The following ITCH variants were observed in gnomAD, a reference collection of about 807,000 sequenced individuals.
ITCH encodes E3 ubiquitin-protein ligase Itchy homolog.
In ITCH, 28 loss-of-function variants were observed where a neutral mutation model predicts 126.8. That is an observed-to-expected ratio of 0.22 (90% CI 0.16 to 0.30). The LOEUF (loss-of-function observed/expected upper bound fraction) is 0.30. Among genes scored for constraint, ITCH ranks in the 10% least tolerant of loss-of-function variants. The probability of loss-of-function intolerance (pLI) is 1.00; values close to 1 mark genes in which losing one functional copy is unlikely to be tolerated. For synonymous variants in ITCH, 342 were observed against 340.0 expected (o/e 1.01, Z -0.06); for missense variants, 631 against 1,032.4 (o/e 0.61, Z 5.33).
chr20:34,460,665 G>A (rs1410550208), intron 13 of ITCH, among the ~76,000 whole-genome samples: 1 of 152,062 alleles, frequency 6.6e-6, no homozygotes, highest in Non-Finnish European at 1.5e-5. Flanking sequence ...CTTGTCTAGG[G>A]TCACAAGAGT....
intron 23 of ITCH, among the ~76,000 whole-genome samples, chr20:34,502,395 TA>T (rs200271713): frequency 2.7e-3 from 380 of 143,210 alleles, no homozygotes; most frequent in East Asian, 0.01. Context: ...CCCTGTGTCT[TA>T]AAAAAAAAAA....
At chr20:34,460,581 C>G (rs984589436) in intron 13 of ITCH, among the ~76,000 whole-genome samples, 4 of 152,030 alleles carry the variant, frequency 2.6e-5, no homozygotes, top group Non-Finnish European at 5.9e-5. Flanking sequence ...CTCATTTGTT[C>G]CTCATCTAGT....
chr20:34,433,376 G>T (rs1026029404), intron 7 of ITCH, among the ~76,000 whole-genome samples: 3 of 152,168 alleles, frequency 2.0e-5, no homozygotes, highest in African/African-American at 7.2e-5. Context: ...TCTGCAGTCT[G>T]TCTAAAAGAA....
chr20:34,402,524 CAT>C, intron 3 of ITCH: 7 of 750,042 alleles, frequency 9.3e-6, no homozygotes, highest in South Asian at 8.1e-5. Context: ...CATAATCCCT[CAT>C]AATCCTCTTG....
intron 11 of ITCH, among the ~76,000 whole-genome samples, chr20:34,448,695 G>A (rs6059845): frequency 0.45 from 68,544 of 151,774 alleles, 15,955 homozygotes; most frequent in Non-Finnish European, 0.5. Flanking sequence ...GGGTGACCAT[G>A]TAATTATCTC....
At chr20:34,416,219 A>G (rs2146187342) in intron 6 of ITCH, among the ~76,000 whole-genome samples, 1 of 152,064 alleles carries the variant, frequency 6.6e-6, no homozygotes, top group East Asian at 1.9e-4. Context: ...ACCAACATGG[A>G]GAAACCTCGT....
intron 17 of ITCH, 60 bp from the exon 18 acceptor site, chr20:34,479,569 TG>T (rs1988541957): frequency 7.0e-7 from 1 of 1,418,872 alleles, no homozygotes; most frequent in South Asian, 1.2e-5. Context: ...TTTATAGCAC[TG>T]TTCTTTGATT....
At chr20:34,471,032 C>T (rs927528541) in intron 15 of ITCH, among the ~76,000 whole-genome samples, 3 of 151,996 alleles carry the variant, frequency 2.0e-5, no homozygotes, top group African/African-American at 7.3e-5. Context: ...TAGATATTTA[C>T]TGGAATTAAT....
intron 7 of ITCH, among the ~76,000 whole-genome samples, chr20:34,428,663 CTA>C: frequency 6.6e-6 from 1 of 152,100 alleles, no homozygotes. Context: ...AGCATTTGCC[CTA>C]TCTCGGCCTC....
At chr20:34,455,647 T>C (rs1352774026) in intron 12 of ITCH, among the ~76,000 whole-genome samples, 1 of 151,744 alleles carries the variant, frequency 6.6e-6, no homozygotes, top group Non-Finnish European at 1.5e-5. Context: ...TTTTTTTCTT[T>C]TTTGTATTTT....
At chr20:34,413,917 C>G (rs748913987) in intron 6 of ITCH, 38 bp downstream of exon 6, 1 of 1,531,226 alleles carries the variant, frequency 6.5e-7, no homozygotes, top group South Asian at 1.1e-5. Flanking sequence ...AATGATTCTT[C>G]TTAAATAAAA....
At chr20:34,480,809 T>C in intron 19 of ITCH, 77 bp downstream of exon 19, 2 of 1,175,380 alleles carry the variant, frequency 1.7e-6, no homozygotes, top group Non-Finnish European at 2.5e-6. Flanking sequence ...TTATCCAAAC[T>C]GTAGGCACAT....
At chr20:34,437,480 A>T (rs1160102562) in intron 7 of ITCH, among the ~76,000 whole-genome samples, 1 of 151,940 alleles carries the variant, frequency 6.6e-6, no homozygotes, top group Non-Finnish European at 1.5e-5. Context: ...TACTTTTTAA[A>T]TTTTTTTGTA....
At chr20:34,417,203 T>G (rs536848052) in intron 6 of ITCH, 18 of 674,808 alleles carry the variant, frequency 2.7e-5, no homozygotes, top group Non-Finnish European at 4.6e-5. Context: ...TTTAAGTGAT[T>G]CTCCTATCTC....
chr20:34,488,227 G>A (rs1466383157), intron 20 of ITCH, among the ~76,000 whole-genome samples: 17 of 146,720 alleles, frequency 1.2e-4, no homozygotes, highest in African/African-American at 4.3e-4. Flanking sequence ...CACTTAGTGT[G>A]CATCTCTTGG....
At chr20:34,432,273 T>C (rs2146255512) in intron 7 of ITCH, among the ~76,000 whole-genome samples, 1 of 152,264 alleles carries the variant, frequency 6.6e-6, no homozygotes, top group South Asian at 2.1e-4. Context: ...TATGAATAGT[T>C]AATTCATTGC....
chr20:34,507,667 T>C, intron 24 of ITCH, 28 bp from the exon 25 acceptor site: 1 of 1,566,454 alleles, frequency 6.4e-7, no homozygotes, highest in Non-Finnish European at 8.8e-7. Flanking sequence ...ATATTTCCTT[T>C]TCTCAAACTA....
chr20:34,495,196 C>A (rs1045112172), intron 23 of ITCH, among the ~76,000 whole-genome samples: 3 of 149,854 alleles, frequency 2.0e-5, no homozygotes, highest in Non-Finnish European at 3.0e-5. Context: ...ACCTGGGAGG[C>A]AGAGGTTGCA....
rs573567062 is a variant in ITCH, at chr20:34,476,370, G to A, written c.1570-1402G>A. Reference sequence around the variant, plus strand: ...CCGGTCCCCGGCTCCTCAGCAGGCCGCTGGCTCCAGCGCGGGACCCGGCGT... The same window carrying A: ...CCGGTCCCCGGCTCCTCAGCAGGCCACTGGCTCCAGCGCGGGACCCGGCGT... On this transcript the variant is annotated intron_variant, in intron 16 of 24. Transcript: ENST00000374864. 125 of 1,324,958 alleles carry A rather than the reference G, an allele frequency of 9.4e-5. 1 individual carries two copies. In the Admixed American group the frequency reaches 9.7e-4, roughly 10 times the overall value. The allele number at this position is 1,324,958 out of a possible 1,614,324, so 82.1% of individuals were successfully genotyped here.
Sources: allele counts gnomAD v4.1 joint callset (sites outside exome capture counted in the v4.1 genomes callset), GRCh38; gene constraint gnomAD v4.1.1; transcripts MANE v1.5; gene names NCBI Gene and HGNC (gene_info 2026-07-23, HGNC 2026-07-21).